SYNRG: variants seen among roughly 807,000 people sequenced by gnomAD.
SYNRG encodes synergin gamma, also known as AP1 gamma subunit binding protein 1.
A neutral mutation model predicts 130.9 loss-of-function variants in SYNRG; 37 were observed. That is an observed-to-expected ratio of 0.28 (90% CI 0.22 to 0.37). The LOEUF is 0.37. Among genes scored for constraint, SYNRG ranks in the 10% least tolerant of loss-of-function variants. The pLI is 1.00. For missense variants in SYNRG, 1,338 were observed against 1,588.9 expected, an observed-to-expected ratio of 0.84 and a Z score of 2.68; for synonymous variants, 539 against 568.1, an observed-to-expected ratio of 0.95 and a Z score of 0.73.
chr17:37,557,430 A>T (rs2059200388), intron 13 of SYNRG, among the ~76,000 whole-genome samples: 1 of 152,266 alleles, frequency 6.6e-6, no homozygotes, highest in Non-Finnish European at 1.5e-5. Context: ...TTTTTTGAGT[A>T]TAAAAAATAT....
rs1207360734 is a variant in SYNRG, at chr17:37,517,004, G to A, written c.*1936C>T. On this transcript the variant is annotated 3_prime_UTR_variant, in exon 22 of 22. Transcript: ENST00000612223. The stretch of plus-strand genomic sequence containing the variant: ...GGAGGCTGAGGCGGGCGGATCGCCT[G>A]AGGTCCGGAGTTCAAGCCTGGCCAA... 6.6e-6 allele frequency: 1 copy of A among 152,260 alleles called. No individual in the cohort carries two copies. Among genetic ancestry groups the A allele is most frequent in the African/African-American group, 2.4e-5 (1 of 41,444 alleles). 9.4% of individuals were successfully genotyped at this position (152,260 alleles called of 1,614,324 possible).
chr17:37,602,428 T>TTTG lies in SYNRG; in HGVS notation c.78-2026_78-2025insCAA. Among the ~76,000 whole-genome samples, 3 of 152,200 alleles carry TTTG rather than the reference T, an allele frequency of 2.0e-5. No individual in the cohort carries two copies. The East Asian group carries it at 5.8e-4, about 29-fold the overall frequency. On this transcript the variant is annotated intron_variant, in intron 1 of 21. Coordinates refer to ENST00000612223, the MANE Select transcript of SYNRG (RefSeq NM_007247.6). ...AACAACTAAGGACAAACTTGGAGAA[T>TTTG]TCTTGCAGTGAAAACTGAGTAGGAA...
chr17:37,569,399 G>C (rs1333331503), intron 10 of SYNRG, among the ~76,000 whole-genome samples: 1 of 128,082 alleles, frequency 7.8e-6, no homozygotes, highest in African/African-American at 3.0e-5. Context: ...GACAGAGCAA[G>C]ACTCTGGCTG....
At chr17:37,551,964 T>G (rs967774118) in intron 14 of SYNRG, among the ~76,000 whole-genome samples, 1 of 151,960 alleles carries the variant, frequency 6.6e-6, no homozygotes. Context: ...CCTTAGCAAG[T>G]AGCAACATGA....
intron 3 of SYNRG, among the ~76,000 whole-genome samples, chr17:37,587,517 T>G (rs572707795): frequency 5.2e-4 from 79 of 152,224 alleles, no homozygotes; most frequent in Non-Finnish European, 9.7e-4. Context: ...CCTCCTTGCT[T>G]CTTCTAAACC....
chr17:37,535,902 C>T (rs894818978), intron 19 of SYNRG, 77 bp downstream of exon 19: 2 of 1,580,762 alleles, frequency 1.3e-6, no homozygotes, highest in Non-Finnish European at 1.7e-6. Context: ...TAAGTACCAT[C>T]ATAGGAATAT....
Position 37,536,123 on chromosome 17 carries a change from A to C in SYNRG, c.3522T>G (p.Val1174=), listed in dbSNP as rs376684826. ...SAQGMEYLLG[V]VEVYRVTKRV... ...GCTTGGTTACCCTGTACACTTCAAC[A>C]ACACCTGACGGGATGAGAGAGCAGA... The change falls in exon 19 of 22, where the codon GTT becomes GTG. Residue 1174 remains valine (V), a synonymous_variant. Coordinates refer to ENST00000612223, the MANE Select transcript of SYNRG (RefSeq NM_007247.6). The C allele has an allele frequency of 9.3e-6, 15 of 1,609,994 alleles. No individual in the cohort carries two copies. Among genetic ancestry groups the C allele is most frequent in the Admixed American group, 3.4e-5 (2 of 59,080 alleles).
chr17:37,540,557 A>AT lies in SYNRG; in HGVS notation c.3203-15dup. The AT allele has an allele frequency of 6.2e-7, 1 of 1,610,118 alleles. No homozygotes were observed. The highest frequency in any genetic ancestry group is 8.5e-7 in the Non-Finnish European group (1 of 1,177,946). ...TCTTGTGTGATCCTGGGAGAAGGGG[A>AT]TAATACAGTCAAAGGTTTTGGCTAC... On this transcript the variant is annotated splice_polypyrimidine_tract_variant and intron_variant, in intron 15 of 21. Coordinates refer to ENST00000612223, the MANE Select transcript of SYNRG (RefSeq NM_007247.6).
At chr17:37,532,570 G>A (rs2056744117) in intron 19 of SYNRG, among the ~76,000 whole-genome samples, 1 of 151,816 alleles carries the variant, frequency 6.6e-6, no homozygotes, top group African/African-American at 2.4e-5. Flanking sequence ...CTACTTGGGA[G>A]GCTGAGGCAT....
In SYNRG at chr17:37,553,992, A is replaced by G. The variant is rs751641826; in HGVS notation, c.1731T>C (p.Asp577=). The G allele has an allele frequency of 4.3e-6, 7 of 1,609,808 alleles. No individual in the cohort carries two copies. Among genetic ancestry groups the G allele is most frequent in the Non-Finnish European group, 5.9e-6 (7 of 1,179,158 alleles). ...DDGFTDFKTA[D]SVSPLEPPTK... ...TTGGTGGCTCTAGTGGTGATACACT[A>G]TCGGCTGTTTTAAAATCGGTGAAAC... Residue 577 remains aspartate, a synonymous_variant, in exon 14 of 22, where the codon GAT becomes GAC. Coordinates refer to ENST00000612223, the MANE Select transcript of SYNRG (RefSeq NM_007247.6).
At chr17:37,577,062 T>C (rs1205417454) in intron 7 of SYNRG, among the ~76,000 whole-genome samples, 1 of 152,032 alleles carries the variant, frequency 6.6e-6, no homozygotes, top group Non-Finnish European at 1.5e-5. Context: ...TCAACCTTTA[T>C]GGAAGAACAG....
rs760874326 is a variant in SYNRG, at chr17:37,539,148, A to G, written c.3420+44T>C. 5.0e-6 allele frequency: 8 copies of G among 1,607,912 alleles called. No homozygotes were observed. The East Asian group carries it at 1.1e-4, about 22-fold the overall frequency. On this transcript the variant is annotated intron_variant, in intron 17 of 21. Coordinates refer to ENST00000612223, the MANE Select transcript of SYNRG (RefSeq NM_007247.6). Reference sequence around the variant, plus strand: ...TGAACCAAGAAGGCAAAAAGGCACAAAAGAGCACTCACATATGTGTGAACG... The same window carrying G: ...TGAACCAAGAAGGCAAAAAGGCACAGAAGAGCACTCACATATGTGTGAACG...
chr17:37,572,757 T>G (rs2060528412), intron 8 of SYNRG, among the ~76,000 whole-genome samples: 1 of 152,190 alleles, frequency 6.6e-6, no homozygotes, highest in Non-Finnish European at 1.5e-5. Context: ...AGACCCAGTT[T>G]CTGTTAAGGT....
At chr17:37,587,891 C>T (rs990620785) in intron 3 of SYNRG, among the ~76,000 whole-genome samples, 8 of 152,218 alleles carry the variant, frequency 5.3e-5, no homozygotes, top group South Asian at 2.1e-4. Context: ...CGACACTTGA[C>T]CACCACCTCC....
intron 2 of SYNRG, among the ~76,000 whole-genome samples, chr17:37,597,109 A>G (rs1598628178): frequency 6.6e-6 from 1 of 152,210 alleles, no homozygotes; most frequent in East Asian, 1.9e-4. Context: ...CTCTGGAGCA[A>G]GCCACTGCCA....
chr17:37,571,784 T>G lies in SYNRG; in HGVS notation c.1098+7A>C. 6.3e-7 allele frequency: 1 copy of G among 1,594,234 alleles called. No individual in the cohort carries two copies. The highest frequency in any genetic ancestry group is 8.5e-7 in the Non-Finnish European group (1 of 1,172,318). On this transcript the variant is annotated splice_region_variant and intron_variant, in intron 9 of 21. Transcript: ENST00000612223. ...TTATTTGATCTAACTTAAGAAACAT[T>G]GTTTACCTGTGTTACCGCTATCATG...
rs149792832 is a variant in SYNRG, at chr17:37,520,765, C to T, written c.3667-117G>A. The T allele has an allele frequency of 7.2e-4, 549 of 763,304 alleles. 6 individuals are homozygous for T. The African/African-American group carries it at 8.0e-3, about 11-fold the overall frequency. 47.3% of individuals were successfully genotyped at this position (763,304 alleles called of 1,614,324 possible). On this transcript the variant is annotated intron_variant, in intron 19 of 21. Transcript: ENST00000612223. Reference sequence around the variant, plus strand: ...CGGCAAGTACAGTACTCTAACACCACCACTACAAGAATTAACCTCCCACAC... The same window carrying T: ...CGGCAAGTACAGTACTCTAACACCATCACTACAAGAATTAACCTCCCACAC...
chr17:37,572,133 C>CTT (rs1245157773), intron 8 of SYNRG, 146 bp from the exon 9 acceptor site: 1 of 707,694 alleles, frequency 1.4e-6, no homozygotes, highest in Non-Finnish European at 2.3e-6. Context: ...TTGCTTTAAA[C>CTT]ATATTCAAGT....
intron 19 of SYNRG, among the ~76,000 whole-genome samples, chr17:37,523,648 A>C (rs961183396): frequency 6.6e-6 from 1 of 152,194 alleles, no homozygotes; most frequent in African/African-American, 2.4e-5. Flanking sequence ...CTAATGCAGG[A>C]GGTGAGATCA....
Sources: gnomAD v4.1 joint callset for allele counts (sites outside exome capture counted in the v4.1 genomes callset) on GRCh38, gnomAD v4.1.1 for gene constraint, MANE v1.5 for transcripts, NCBI Gene and HGNC (gene_info 2026-07-23, HGNC 2026-07-21) for gene names.